Variants in FIGN observed in about 807,000 individuals in gnomAD.
FIGN encodes fidgetin.
A neutral mutation model predicts 51.3 loss-of-function variants in FIGN; 11 were observed. The ratio of observed to expected loss-of-function variants is 0.21; its 90% CI spans 0.13 to 0.35. The LOEUF (loss-of-function observed/expected upper bound fraction) is 0.35. Ranked by LOEUF, FIGN falls within the 10% of genes least tolerant of loss-of-function variation. The pLI is 1.00. For missense variants in FIGN, 857 were observed against 943.6 expected (o/e 0.91, Z 1.20); for synonymous variants, 407 against 363.2 (o/e 1.12, Z -1.37).
chr2:163,695,286 T>G (rs1170829029), intron 2 of FIGN, among the ~76,000 whole-genome samples: 1 of 152,044 alleles, frequency 6.6e-6, no homozygotes, highest in Non-Finnish European at 1.5e-5. Flanking sequence ...CACTACTTAA[T>G]CCCCCACCCA....
At chr2:163,666,096 C>T (rs1683768185) in intron 2 of FIGN, among the ~76,000 whole-genome samples, 1 of 152,160 alleles carries the variant, frequency 6.6e-6, no homozygotes, top group Non-Finnish European at 1.5e-5. Flanking sequence ...TGACCCTCTT[C>T]CTTTACAATC....
At chr2:163,664,908 T>C (rs772938336) in intron 2 of FIGN, among the ~76,000 whole-genome samples, 1 of 152,250 alleles carries the variant, frequency 6.6e-6, no homozygotes, top group Non-Finnish European at 1.5e-5. Context: ...GAAGATACCC[T>C]GGAAGTAAAT....
At chr2:163,713,451 C>T (rs1684619728) in intron 2 of FIGN, among the ~76,000 whole-genome samples, 1 of 138,056 alleles carries the variant, frequency 7.2e-6, no homozygotes, top group Non-Finnish European at 1.6e-5. Flanking sequence ...TCACACACCA[C>T]ACACACACAC....
intron 2 of FIGN, among the ~76,000 whole-genome samples, chr2:163,680,182 G>T (rs1455012712): frequency 6.6e-6 from 1 of 152,200 alleles, no homozygotes; most frequent in Non-Finnish European, 1.5e-5. Context: ...TACAAAGACA[G>T]TATTGGGTGT....
At chr2:163,706,570 G>A (rs1040755018) in intron 2 of FIGN, among the ~76,000 whole-genome samples, 1 of 152,118 alleles carries the variant, frequency 6.6e-6, no homozygotes, top group African/African-American at 2.4e-5. Context: ...TTCAGATTTA[G>A]ACTGAGCTAA....
intron 2 of FIGN, among the ~76,000 whole-genome samples, chr2:163,646,238 T>C (rs1683379179): frequency 6.6e-6 from 1 of 152,192 alleles, no homozygotes; most frequent in Non-Finnish European, 1.5e-5. Flanking sequence ...ATGCCTTTGT[T>C]CTATTGCATC....
At chr2:163,658,413 C>CTCTCTCTCTCTCTCT in intron 2 of FIGN, among the ~76,000 whole-genome samples, 1 of 146,566 alleles carries the variant, frequency 6.8e-6, no homozygotes, top group African/African-American at 2.5e-5. Flanking sequence ...CTCTCTCGGT[C>CTCTCTCTCTCTCTCT]TTAGTCTGTT....
intron 2 of FIGN, among the ~76,000 whole-genome samples, chr2:163,696,754 A>G (rs777504359): frequency 4.6e-5 from 7 of 151,366 alleles, no homozygotes; most frequent in African/African-American, 1.7e-4. Flanking sequence ...TGCAGCCTCA[A>G]TCTCCCTGGC....
intron 2 of FIGN, among the ~76,000 whole-genome samples, chr2:163,659,274 A>T (rs190056368): frequency 2.4e-4 from 36 of 152,330 alleles, no homozygotes; most frequent in Admixed American, 1.8e-3. Flanking sequence ...CCTCTGGAAG[A>T]AATTTGAAAG....
rs529947508 is a variant in FIGN at position 163,648,467 on chromosome 2, G to A, written c.26-36661C>T. On this transcript the variant is annotated intron_variant, in intron 2 of 2. Coordinates refer to ENST00000333129, the MANE Select transcript of FIGN (RefSeq NM_018086.4). Reference sequence around the variant, plus strand: ...GAACATATCTTTTTCCTGTCATTAGGGATTTAATGACTTTTAAAACATGGG... The same window carrying A: ...GAACATATCTTTTTCCTGTCATTAGAGATTTAATGACTTTTAAAACATGGG... Among the ~76,000 whole-genome samples, 3 of 152,226 alleles carry A rather than the reference G, an allele frequency of 2.0e-5. No homozygotes were observed. The East Asian group carries it at 5.8e-4, about 29-fold the overall frequency.
At chr2:163,646,988 A>G (rs771326164) in intron 2 of FIGN, among the ~76,000 whole-genome samples, 26 of 152,214 alleles carry the variant, frequency 1.7e-4, no homozygotes, top group African/African-American at 6.0e-4. Flanking sequence ...CTTTTGGTAT[A>G]GATACAGGCT....
intron 2 of FIGN, among the ~76,000 whole-genome samples, chr2:163,634,934 A>C (rs1321808908): frequency 2.0e-5 from 3 of 152,188 alleles, no homozygotes; most frequent in African/African-American, 7.2e-5. Flanking sequence ...TTTTACATAG[A>C]GTATGTGCTC....
intron 2 of FIGN, among the ~76,000 whole-genome samples, chr2:163,614,685 C>T (rs930740572): frequency 4.6e-5 from 7 of 152,170 alleles, no homozygotes; most frequent in Admixed American, 2.6e-4. Context: ...CACACACATA[C>T]GTACGCACAC....
At chr2:163,690,172 C>A (rs955183941) in intron 2 of FIGN, among the ~76,000 whole-genome samples, 1 of 152,090 alleles carries the variant, frequency 6.6e-6, no homozygotes, top group Non-Finnish European at 1.5e-5. Flanking sequence ...AAGGATGAGG[C>A]CAGTATTTCT....
At chr2:163,627,502 A>G (rs896345454) in intron 2 of FIGN, among the ~76,000 whole-genome samples, 3 of 152,200 alleles carry the variant, frequency 2.0e-5, no homozygotes, top group African/African-American at 4.8e-5. Flanking sequence ...GAGCATGTTA[A>G]TCAAGTAAGA....
chr2:163,704,565 T>A (rs1414898681), intron 2 of FIGN, among the ~76,000 whole-genome samples: 1 of 151,850 alleles, frequency 6.6e-6, no homozygotes, highest in Admixed American at 6.6e-5. Context: ...ATACTTAGTA[T>A]CTTTTTGCCT....
chr2:163,612,565 T>C, intron 2 of FIGN: 1 of 984,644 alleles, frequency 1.0e-6, no homozygotes, highest in African/African-American at 1.8e-5. Context: ...TTTCTGCCTC[T>C]CAGTTCTGTT....
intron 2 of FIGN, among the ~76,000 whole-genome samples, chr2:163,655,674 C>A (rs1013954869): frequency 2.9e-4 from 44 of 152,034 alleles, no homozygotes; most frequent in African/African-American, 1.1e-3. Flanking sequence ...CTATCTCTCT[C>A]CCACATATAT....
chr2:163,728,828 T>G (rs1403842298), intron 2 of FIGN, among the ~76,000 whole-genome samples: 3 of 152,186 alleles, frequency 2.0e-5, no homozygotes, highest in African/African-American at 7.2e-5. Context: ...GTTGCTGTCT[T>G]CAAATTAATT....
Sources: allele counts gnomAD v4.1 joint callset (sites outside exome capture counted in the v4.1 genomes callset), GRCh38; gene constraint gnomAD v4.1.1; transcripts MANE v1.5; gene names NCBI Gene and HGNC (gene_info 2026-07-23, HGNC 2026-07-21).